Variants in RPS6KC1 observed in about 807,000 individuals in gnomAD.
RPS6KC1 encodes inactive ribosomal protein S6 kinase delta-1.
Under a neutral mutation model 103.8 loss-of-function variants are expected in RPS6KC1, and 54 were observed. The observed-to-expected ratio is 0.52, with a 90% CI of 0.42 to 0.65. RPS6KC1 has a LOEUF of 0.65. RPS6KC1 is among the 30% of genes least tolerant of loss of function. The pLI is 0.00. For synonymous variants in RPS6KC1, 439 were observed against 438.7 expected, an observed-to-expected ratio of 1.00 and a Z score of -0.01; for missense variants, 1,151 against 1,253.8, an observed-to-expected ratio of 0.92 and a Z score of 1.24.
intron 8 of RPS6KC1, among the ~76,000 whole-genome samples, chr1:213,200,759 A>AATTT (rs1288922589): frequency 6.6e-6 from 1 of 152,218 alleles, no homozygotes; most frequent in East Asian, 1.9e-4. Context: ...ATCTATAAGG[A>AATTT]ACTTAAATTT....
chr1:213,647,324 T>C, the RPS6KC1 span, among the ~76,000 whole-genome samples: 5 of 152,172 alleles, frequency 3.3e-5, no homozygotes, highest in African/African-American at 1.2e-4. Context: ...CAAATACCAA[T>C]AGTGGCTCAC....
chr1:213,783,915 A>G, the RPS6KC1 span, among the ~76,000 whole-genome samples: 1 of 151,800 alleles, frequency 6.6e-6, no homozygotes, highest in Admixed American at 6.6e-5. Context: ...ATCAAATCCA[A>G]TTCTATTGTT....
chr1:213,225,107 A>G (rs1272821817), intron 8 of RPS6KC1, among the ~76,000 whole-genome samples: 1 of 152,202 alleles, frequency 6.6e-6, no homozygotes, highest in Non-Finnish European at 1.5e-5. Flanking sequence ...TTATTGCCAA[A>G]CAGATGGAAA....
chr1:213,097,311 G>A (rs185211496), intron 3 of RPS6KC1, among the ~76,000 whole-genome samples: 37 of 151,576 alleles, frequency 2.4e-4, no homozygotes, highest in African/African-American at 7.2e-4. Context: ...CTGAGATCGC[G>A]CCACTGCACT....
chr1:213,608,926 AGG>A, the RPS6KC1 span, among the ~76,000 whole-genome samples: 241 of 152,326 alleles, frequency 1.6e-3, 2 homozygotes, highest in African/African-American at 5.6e-3. Context: ...TTTAGCATTT[AGG>A]CTATTTTCAT....
In RPS6KC1 at chr1:213,273,868, C is replaced by T. The variant is rs989554356; in HGVS notation, c.*1234C>T. 1.3e-5 allele frequency: 2 copies of T among 152,076 alleles called. No individual in the cohort carries two copies. The highest frequency in any genetic ancestry group is 1.9e-4 in the East Asian group (1 of 5,196). 9.4% of individuals were successfully genotyped at this position (152,076 alleles called of 1,614,324 possible). Reference sequence around the variant, plus strand: ...TAAACGTTAGCCAAAGAAGAAGTCACTATTTCCAAGTTAGAAACCACCAGA... The same window carrying T: ...TAAACGTTAGCCAAAGAAGAAGTCATTATTTCCAAGTTAGAAACCACCAGA... On this transcript the variant is annotated 3_prime_UTR_variant, in exon 15 of 15. Transcript: ENST00000366960.
intron 7 of RPS6KC1, among the ~76,000 whole-genome samples, chr1:213,172,133 T>G (rs2091519192): frequency 6.6e-6 from 1 of 152,172 alleles, no homozygotes; most frequent in African/African-American, 2.4e-5. Flanking sequence ...TGAATCAGTA[T>G]CTTCTTTTTA....
the RPS6KC1 span, among the ~76,000 whole-genome samples, chr1:213,459,396 A>T: frequency 1.3e-5 from 2 of 152,082 alleles, no homozygotes; most frequent in Middle Eastern, 6.3e-3. Context: ...GGTGTTTATC[A>T]TCTTCTCTGA....
At chr1:213,174,468 GA>G (rs962200890) in intron 7 of RPS6KC1, among the ~76,000 whole-genome samples, 1 of 151,986 alleles carries the variant, frequency 6.6e-6, no homozygotes, top group Non-Finnish European at 1.5e-5. Flanking sequence ...TCAGGAGTTC[GA>G]AACCAGCCTC....
At chr1:213,499,994 G>A in the RPS6KC1 span, among the ~76,000 whole-genome samples, 2 of 152,150 alleles carry the variant, frequency 1.3e-5, no homozygotes, top group African/African-American at 2.4e-5. Flanking sequence ...TGAAGGCCTA[G>A]GACATTACAC....
At chr1:213,704,113 C>T in the RPS6KC1 span, among the ~76,000 whole-genome samples, 3 of 152,038 alleles carry the variant, frequency 2.0e-5, no homozygotes, top group East Asian at 1.9e-4. Context: ...GTAGGCCGGG[C>T]GCGGTGGCTC....
chr1:213,756,384 G>A, the RPS6KC1 span, among the ~76,000 whole-genome samples: 1 of 152,108 alleles, frequency 6.6e-6, no homozygotes, highest in Non-Finnish European at 1.5e-5. Flanking sequence ...CAATCCTTGT[G>A]GATTAGGGAG....
At chr1:213,470,046 A>C in the RPS6KC1 span, among the ~76,000 whole-genome samples, 2 of 152,182 alleles carry the variant, frequency 1.3e-5, no homozygotes, top group African/African-American at 4.8e-5. Context: ...AAGCAAAACA[A>C]AAGCAAAGCC....
At chr1:213,657,221 G>T in the RPS6KC1 span, among the ~76,000 whole-genome samples, 2 of 152,084 alleles carry the variant, frequency 1.3e-5, no homozygotes, top group Admixed American at 1.3e-4. Flanking sequence ...GAGTACAGAG[G>T]CAGCCAGGGA....
intron 2 of RPS6KC1, among the ~76,000 whole-genome samples, chr1:213,071,371 C>T (rs951482067): frequency 6.6e-6 from 1 of 152,134 alleles, no homozygotes; most frequent in African/African-American, 2.4e-5. Flanking sequence ...TCAGGTGATC[C>T]ACCTGCCTCA....
chr1:213,651,165 C>T, the RPS6KC1 span, among the ~76,000 whole-genome samples: 4 of 152,148 alleles, frequency 2.6e-5, no homozygotes, highest in Admixed American at 2.6e-4. Flanking sequence ...AAACCTACCT[C>T]TTATTGCAAG....
At position 213,151,212 on chromosome 1, in the gene RPS6KC1, CG is replaced by C. The variant is rs1350043213; in HGVS notation, c.836-16640del. 3.2e-5 allele frequency among the ~76,000 whole-genome samples: 4 copies of C among 124,186 alleles called. No individual in the cohort carries two copies. The East Asian group carries it at 7.7e-4, about 24-fold the overall frequency. 81.5% of individuals were successfully genotyped at this position (124,186 alleles called of 152,430 possible). ...CTCCCGGATGGGGCGGCTGGCCAGG[CG>C]GGGGGCTGACCCCCCCACCTCCCTC... On this transcript the variant is annotated intron_variant, in intron 6 of 14. Transcript: ENST00000366960.
the RPS6KC1 span, among the ~76,000 whole-genome samples, chr1:213,398,196 C>CTTTTTTTT: frequency 7.4e-4 from 81 of 109,442 alleles, no homozygotes; most frequent in African/African-American, 2.6e-3. Flanking sequence ...CACACCTGGC[C>CTTTTTTTT]TTTTTTTTTT....
intron 3 of RPS6KC1, among the ~76,000 whole-genome samples, chr1:213,093,518 A>T (rs1023054479): frequency 6.0e-4 from 91 of 151,984 alleles, no homozygotes; most frequent in African/African-American, 2.1e-3. Flanking sequence ...CCAATCATCT[A>T]CCTTTTTATA....
Sources: gnomAD v4.1 joint callset for allele counts (sites outside exome capture counted in the v4.1 genomes callset) on GRCh38, gnomAD v4.1.1 for gene constraint, MANE v1.5 for transcripts, NCBI Gene and HGNC (gene_info 2026-07-23, HGNC 2026-07-21) for gene names.